The following PIK3C2G variants were observed in gnomAD, a reference collection of about 807,000 sequenced individuals.
The protein encoded by PIK3C2G is phosphatidylinositol 3-kinase C2 domain-containing subunit gamma.
Under a neutral mutation model 181.1 loss-of-function variants are expected in PIK3C2G, and 168 were observed. The observed-to-expected ratio is 0.93, with a 90% CI of 0.82 to 1.05. The LOEUF (loss-of-function observed/expected upper bound fraction) is 1.05. Among genes scored for constraint, PIK3C2G ranks in the 50% least tolerant of loss-of-function variants. The pLI is 0.00. For synonymous variants in PIK3C2G, 573 were observed against 592.2 expected, an observed-to-expected ratio of 0.97 and a Z score of 0.47; for missense variants, 1,869 against 1,732.8, an observed-to-expected ratio of 1.08 and a Z score of -1.40.
At chr12:18,705,022 G>T in the PIK3C2G span, 1 of 937,660 alleles carries the variant, frequency 1.1e-6, no homozygotes, top group Non-Finnish European at 1.7e-6. Flanking sequence ...CATTCCCTAG[G>T]CAACATTGCA....
At chr12:18,277,767 T>C (rs1949045104) in intron 1 of PIK3C2G, among the ~76,000 whole-genome samples, 1 of 152,176 alleles carries the variant, frequency 6.6e-6, no homozygotes, top group Non-Finnish European at 1.5e-5. Flanking sequence ...TACACCTTTA[T>C]AGATTTAAAA....
At chr12:18,676,011 A>T in the PIK3C2G span, among the ~76,000 whole-genome samples, 8 of 60,784 alleles carry the variant, frequency 1.3e-4, no homozygotes, top group African/African-American at 2.2e-4. Flanking sequence ...GAATCTATTT[A>T]AAAAAAAACT....
chr12:18,708,308 A>T, the PIK3C2G span, among the ~76,000 whole-genome samples: 3 of 152,176 alleles, frequency 2.0e-5, no homozygotes, highest in Non-Finnish European at 4.4e-5. Flanking sequence ...TTCACTTAAC[A>T]TAATGTCCTC....
At chr12:18,718,493 T>A in the PIK3C2G span, among the ~76,000 whole-genome samples, 2 of 152,094 alleles carry the variant, frequency 1.3e-5, no homozygotes, top group Non-Finnish European at 2.9e-5. Context: ...CAAACTCACC[T>A]CCCTTCATTC....
At chr12:18,592,200 G>A (rs112176926) in intron 29 of PIK3C2G, among the ~76,000 whole-genome samples, 90 of 151,926 alleles carry the variant, frequency 5.9e-4, no homozygotes, top group African/African-American at 1.6e-3. Context: ...CATTATAGAT[G>A]TCACCAAAGA....
chr12:18,360,835 G>A (rs1432990350), intron 11 of PIK3C2G, among the ~76,000 whole-genome samples: 1 of 152,070 alleles, frequency 6.6e-6, no homozygotes, highest in African/African-American at 2.4e-5. Context: ...ATTCTAATAT[G>A]TCCCTGTGGG....
intron 24 of PIK3C2G, among the ~76,000 whole-genome samples, chr12:18,507,503 T>C (rs1030430248): frequency 6.6e-6 from 1 of 152,112 alleles, no homozygotes; most frequent in African/African-American, 2.4e-5. Context: ...AGGGCAGAGA[T>C]AGAGAAATGT....
chr12:18,487,810 T>C (rs531232090), intron 18 of PIK3C2G, among the ~76,000 whole-genome samples: 2 of 152,272 alleles, frequency 1.3e-5, no homozygotes, highest in African/African-American at 4.8e-5. Flanking sequence ...CTGTGTTCTA[T>C]ACAGCTCTAT....
At chr12:18,552,120 T>A (rs905258998) in intron 26 of PIK3C2G, among the ~76,000 whole-genome samples, 1 of 151,998 alleles carries the variant, frequency 6.6e-6, no homozygotes, top group Admixed American at 6.6e-5. Context: ...TTTGAAGCCG[T>A]TGGAAATGTG....
At chr12:18,655,667 T>C in the PIK3C2G span, among the ~76,000 whole-genome samples, 1 of 151,950 alleles carries the variant, frequency 6.6e-6, no homozygotes, top group African/African-American at 2.4e-5. Flanking sequence ...GTTGGCAGTA[T>C]GTACCCTTGA....
chr12:18,420,900 T>C (rs1281757963), intron 16 of PIK3C2G, 41 bp from the exon 17 acceptor site: 8 of 1,046,240 alleles, frequency 7.6e-6, no homozygotes, highest in South Asian at 3.8e-5. Flanking sequence ...GCATTATTCC[T>C]TACCATTAAC....
intron 16 of PIK3C2G, among the ~76,000 whole-genome samples, chr12:18,404,220 T>G (rs1168561465): frequency 6.6e-6 from 1 of 152,176 alleles, no homozygotes; most frequent in Admixed American, 6.5e-5. Flanking sequence ...ACTAACATTG[T>G]AAATAGAAAG....
At chr12:18,723,581 T>C in the PIK3C2G span, 5 of 1,436,132 alleles carry the variant, frequency 3.5e-6, no homozygotes, top group African/African-American at 2.8e-5. Flanking sequence ...ATTGTGAGTA[T>C]AAAAAATACA....
upstream of PIK3C2G, among the ~76,000 whole-genome samples, chr12:18,259,985 G>T (rs1948194129): frequency 6.6e-6 from 1 of 152,118 alleles, no homozygotes; most frequent in South Asian, 2.1e-4. Context: ...AAGCGTACAT[G>T]TTAAGCAAGG....
At chr12:18,247,791 C>A (rs1229033356) in exon 1 of PIK3C2G, 2 of 152,204 alleles carry the variant, frequency 1.3e-5, no homozygotes, top group African/African-American at 4.8e-5. Context: ...CACATTCACA[C>A]GTGCAAGCTC....
At chr12:18,563,575 T>C in intron 28 of PIK3C2G, 77 bp downstream of exon 28, 1 of 1,408,420 alleles carries the variant, frequency 7.1e-7, no homozygotes, top group Non-Finnish European at 9.8e-7. Flanking sequence ...GGTTATGGGA[T>C]TTTCTATTTG....
chr12:18,446,453 C>A (rs2135859458), intron 18 of PIK3C2G, among the ~76,000 whole-genome samples: 1 of 152,302 alleles, frequency 6.6e-6, no homozygotes, highest in Non-Finnish European at 1.5e-5. Flanking sequence ...CTGTTCCCTT[C>A]ATGGCCGCTG....
At chr12:18,434,084 T>C (rs1345465105) in intron 18 of PIK3C2G, among the ~76,000 whole-genome samples, 1 of 152,188 alleles carries the variant, frequency 6.6e-6, no homozygotes, top group African/African-American at 2.4e-5. Flanking sequence ...AAGATCAAGA[T>C]GCTAGCAGGT....
the PIK3C2G span, among the ~76,000 whole-genome samples, chr12:18,700,512 C>CAAAAAAAAAAAAAAAAA: frequency 8.8e-5 from 6 of 67,896 alleles, no homozygotes; most frequent in African/African-American, 1.8e-4. Context: ...AGCCAACGTA[C>CAAAAAAAAAAAAAAAAA]AAAAAAAAAA....
Sources: gnomAD v4.1 joint callset for allele counts (sites outside exome capture counted in the v4.1 genomes callset) on GRCh38, gnomAD v4.1.1 for gene constraint, MANE v1.5 for transcripts, NCBI Gene and HGNC (gene_info 2026-07-23, HGNC 2026-07-21) for gene names.